The following ZNF385D variants were observed in gnomAD, a reference collection of about 807,000 sequenced individuals.
ZNF385D encodes the protein zinc finger protein 385D.
A neutral mutation model predicts 35.8 loss-of-function variants in ZNF385D; 15 were observed. That is an observed-to-expected ratio of 0.42 (90% CI 0.28 to 0.64). ZNF385D has a LOEUF of 0.64. ZNF385D is among the 30% of genes least tolerant of loss of function. The probability of loss-of-function intolerance (pLI) is 0.23; values close to 1 mark genes in which losing one functional copy is unlikely to be tolerated. For synonymous variants in ZNF385D, 212 were observed against 186.8 expected (o/e 1.13, Z -1.10); for missense variants, 474 against 494.6 (o/e 0.96, Z 0.39).
chr3:21,881,439 C>T (rs1324790904), intron 3 of ZNF385D, among the ~76,000 whole-genome samples: 1 of 151,922 alleles, frequency 6.6e-6, no homozygotes, highest in Non-Finnish European at 1.5e-5. Context: ...CATCTGTTTA[C>T]ATATTGATTT....
intron 2 of ZNF385D, among the ~76,000 whole-genome samples, chr3:21,635,031 A>T (rs2065387840): frequency 6.6e-6 from 1 of 152,118 alleles, no homozygotes; most frequent in South Asian, 2.1e-4. Flanking sequence ...TTCCCTAAAA[A>T]TCAAAGTGGG....
At chr3:22,268,376 T>C (rs866894343) in intron 2 of ZNF385D, among the ~76,000 whole-genome samples, 1 of 152,048 alleles carries the variant, frequency 6.6e-6, no homozygotes, top group Non-Finnish European at 1.5e-5. Context: ...TTATAGTACA[T>C]GAAAGCATAA....
chr3:22,123,067 T>A (rs1441288171), intron 3 of ZNF385D, among the ~76,000 whole-genome samples: 1 of 152,140 alleles, frequency 6.6e-6, no homozygotes, highest in Non-Finnish European at 1.5e-5. Context: ...AAAAGAAGAA[T>A]AGCATCTGAC....
chr3:21,814,222 C>T (rs532192613), intron 3 of ZNF385D, among the ~76,000 whole-genome samples: 21 of 152,328 alleles, frequency 1.4e-4, no homozygotes, highest in African/African-American at 5.1e-4. Context: ...AAAGGAACAA[C>T]TGGTACCAGC....
chr3:22,135,213 G>A (rs1015441555), intron 3 of ZNF385D, among the ~76,000 whole-genome samples: 9 of 151,902 alleles, frequency 5.9e-5, no homozygotes, highest in Non-Finnish European at 2.9e-5. Context: ...TAGACATATT[G>A]GCAACTTCAA....
intron 3 of ZNF385D, among the ~76,000 whole-genome samples, chr3:21,896,762 A>G (rs1379791435): frequency 6.6e-6 from 1 of 151,956 alleles, no homozygotes; most frequent in Non-Finnish European, 1.5e-5. Context: ...ATATCAGAAA[A>G]TGTTCTTGAC....
chr3:22,188,464 T>C (rs1458657730), intron 2 of ZNF385D, among the ~76,000 whole-genome samples: 1 of 152,114 alleles, frequency 6.6e-6, no homozygotes, highest in Non-Finnish European at 1.5e-5. Flanking sequence ...ATTTTTTTTT[T>C]TTTGAGACGG....
chr3:21,825,944 T>C (rs1694587747), intron 3 of ZNF385D, among the ~76,000 whole-genome samples: 2 of 152,152 alleles, frequency 1.3e-5, no homozygotes, highest in African/African-American at 4.8e-5. Context: ...AAAACCCTGT[T>C]GTGAACTGTG....
At chr3:22,067,056 T>C (rs1243945176) in intron 3 of ZNF385D, among the ~76,000 whole-genome samples, 1 of 152,212 alleles carries the variant, frequency 6.6e-6, no homozygotes, top group Non-Finnish European at 1.5e-5. Context: ...TCAGTGGAAT[T>C]ACTCTTTTAA....
intron 2 of ZNF385D, among the ~76,000 whole-genome samples, chr3:22,227,676 C>T (rs544142674): frequency 1.9e-4 from 29 of 152,216 alleles, no homozygotes; most frequent in African/African-American, 7.0e-4. Context: ...GACATGCCCA[C>T]CAGTGTGCCA....
At chr3:21,911,638 A>T (rs544699624) in intron 3 of ZNF385D, among the ~76,000 whole-genome samples, 1 of 151,950 alleles carries the variant, frequency 6.6e-6, no homozygotes, top group Non-Finnish European at 1.5e-5. Context: ...TTTATTGAGA[A>T]ATAGTAGCTA....
At chr3:21,987,288 A>T (rs1158153458) in intron 3 of ZNF385D, among the ~76,000 whole-genome samples, 1 of 136,114 alleles carries the variant, frequency 7.3e-6, no homozygotes, top group Non-Finnish European at 1.5e-5. Context: ...TTTTGGCATG[A>T]TTTTGCAGTG....
chr3:21,962,834 T>C (rs1702672513), intron 3 of ZNF385D, among the ~76,000 whole-genome samples: 1 of 152,218 alleles, frequency 6.6e-6, no homozygotes, highest in Non-Finnish European at 1.5e-5. Context: ...ACTAGGGAAA[T>C]GTTTCATTAA....
intron 3 of ZNF385D, among the ~76,000 whole-genome samples, chr3:22,135,265 G>A (rs1446474056): frequency 6.6e-6 from 1 of 151,998 alleles, no homozygotes; most frequent in Non-Finnish European, 1.5e-5. Flanking sequence ...TAACTAGTAA[G>A]AGAGCTCAGC....
intron 3 of ZNF385D, among the ~76,000 whole-genome samples, chr3:21,551,729 A>G (rs2125599426): frequency 6.6e-6 from 1 of 152,304 alleles, no homozygotes; most frequent in Non-Finnish European, 1.5e-5. Flanking sequence ...TGTATGTTTC[A>G]TATGAATGTC....
At chr3:21,628,648 C>A (rs2065199637) in intron 2 of ZNF385D, among the ~76,000 whole-genome samples, 1 of 152,106 alleles carries the variant, frequency 6.6e-6, no homozygotes, top group South Asian at 2.1e-4. Context: ...TGGCTGCCAG[C>A]AGTGGAATAA....
intron 3 of ZNF385D, among the ~76,000 whole-genome samples, chr3:22,041,565 G>A (rs910678194): frequency 5.3e-5 from 8 of 152,084 alleles, no homozygotes; most frequent in African/African-American, 1.9e-4. Flanking sequence ...AATCTCTTGG[G>A]GTTTTTGATG....
intron 3 of ZNF385D, among the ~76,000 whole-genome samples, chr3:21,526,917 A>G (rs1165211565): frequency 2.0e-5 from 3 of 152,198 alleles, no homozygotes; most frequent in Non-Finnish European, 2.9e-5. Flanking sequence ...TTTCCATATT[A>G]TAAGTGAGTA....
intron 2 of ZNF385D, among the ~76,000 whole-genome samples, chr3:22,344,569 CTTTG>C (rs1695570073): frequency 6.7e-6 from 1 of 149,486 alleles, no homozygotes; most frequent in African/African-American, 2.5e-5. Context: ...TTGGGGTTTT[CTTTG>C]TTTTTTTGTT....
Sources: allele counts gnomAD v4.1 joint callset (sites outside exome capture counted in the v4.1 genomes callset), GRCh38; gene constraint gnomAD v4.1.1; transcripts MANE v1.5; gene names NCBI Gene and HGNC (gene_info 2026-07-23, HGNC 2026-07-21).